Variants in PCDH15 observed in about 807,000 individuals in gnomAD.
PCDH15 encodes the protein protocadherin related 15.
In PCDH15, 129 loss-of-function variants were observed where a neutral mutation model predicts 178.5. That is an observed-to-expected ratio of 0.72 (90% CI 0.63 to 0.84). The LOEUF is 0.84. Ranked by LOEUF, PCDH15 falls within the 40% of genes least tolerant of loss-of-function variation. The probability of loss-of-function intolerance (pLI) is 0.00; values close to 1 mark genes in which losing one functional copy is unlikely to be tolerated. For missense variants in PCDH15, 2,230 were observed against 2,099.9 expected (o/e 1.06, Z -1.21); for synonymous variants, 800 against 732.0 (o/e 1.09, Z -1.50).
intron 1 of PCDH15, among the ~76,000 whole-genome samples, chr10:55,257,699 G>T (rs1199344470): frequency 6.6e-6 from 1 of 152,148 alleles, no homozygotes; most frequent in African/African-American, 2.4e-5. Context: ...AACGAACAAA[G>T]CCTCCAAGAA....
intron 1 of PCDH15, among the ~76,000 whole-genome samples, chr10:55,223,202 C>G (rs1055590396): frequency 1.3e-5 from 2 of 152,038 alleles, no homozygotes; most frequent in Non-Finnish European, 2.9e-5. Flanking sequence ...TGGCTAATAG[C>G]TACTACATTA....
At chr10:55,134,689 A>G (rs1277095986) in intron 2 of PCDH15, among the ~76,000 whole-genome samples, 1 of 152,184 alleles carries the variant, frequency 6.6e-6, no homozygotes, top group African/African-American at 2.4e-5. Context: ...ATCATTTGAT[A>G]TCATATTTAC....
At chr10:54,240,815 G>T (rs914453315) in intron 8 of PCDH15, among the ~76,000 whole-genome samples, 2 of 151,386 alleles carry the variant, frequency 1.3e-5, no homozygotes, top group Non-Finnish European at 2.9e-5. Flanking sequence ...GTATTTTTAG[G>T]AGAGACGGGG....
intron 2 of PCDH15, among the ~76,000 whole-genome samples, chr10:55,043,744 T>A (rs968679236): frequency 7.0e-5 from 10 of 142,960 alleles, no homozygotes; most frequent in Non-Finnish European, 1.2e-4. Flanking sequence ...ATAAATAAAA[T>A]AAATAAATAA....
At chr10:54,335,334 G>A (rs1940853740) in intron 6 of PCDH15, among the ~76,000 whole-genome samples, 1 of 152,156 alleles carries the variant, frequency 6.6e-6, no homozygotes, top group Non-Finnish European at 1.5e-5. Flanking sequence ...ACAAAACCAG[G>A]TGGCCATGCC....
intron 2 of PCDH15, among the ~76,000 whole-genome samples, chr10:55,334,500 C>T (rs1463270361): frequency 6.7e-6 from 1 of 149,582 alleles, no homozygotes; most frequent in Non-Finnish European, 1.5e-5. Flanking sequence ...AAAGACATGG[C>T]TTCTCCATGT....
chr10:54,627,819 T>A (rs1276861204), intron 2 of PCDH15, among the ~76,000 whole-genome samples: 1 of 152,170 alleles, frequency 6.6e-6, no homozygotes, highest in East Asian at 1.9e-4. Context: ...ATGCACAAAA[T>A]CATTTATGCT....
intron 2 of PCDH15, among the ~76,000 whole-genome samples, chr10:54,554,209 T>C (rs2086917392): frequency 6.6e-6 from 1 of 152,150 alleles, no homozygotes; most frequent in Non-Finnish European, 1.5e-5. Flanking sequence ...CCTGGCCCCT[T>C]ACCTCCTGGA....
chr10:54,278,704 T>A (rs2132657671), intron 8 of PCDH15, among the ~76,000 whole-genome samples: 2 of 151,692 alleles, frequency 1.3e-5, no homozygotes, highest in Middle Eastern at 6.8e-3. Context: ...CAGCACTAAA[T>A]TTTGGTCATG....
chr10:55,279,998 G>T (rs986362182), intron 1 of PCDH15, among the ~76,000 whole-genome samples: 5 of 151,994 alleles, frequency 3.3e-5, no homozygotes, highest in African/African-American at 1.2e-4. Context: ...CAGCCTATCA[G>T]GGTTCCACAT....
intron 18 of PCDH15, among the ~76,000 whole-genome samples, chr10:54,029,447 C>T (rs983941272): frequency 1.3e-5 from 2 of 152,100 alleles, no homozygotes; most frequent in Admixed American, 6.6e-5. Flanking sequence ...TTGTAATATA[C>T]ACCTTACTAT....
chr10:54,238,664 C>T (rs2054887100), intron 8 of PCDH15, among the ~76,000 whole-genome samples: 1 of 140,768 alleles, frequency 7.1e-6, no homozygotes, highest in Non-Finnish European at 1.5e-5. Flanking sequence ...TGCTGCCTCT[C>T]TCTCTCTCTC....
chr10:55,366,041 G>A (rs1481566810), intron 2 of PCDH15: 1 of 152,168 alleles, frequency 6.6e-6, no homozygotes, highest in African/African-American at 2.4e-5. Flanking sequence ...TATGGAAGGG[G>A]TGGAGAAACT....
chr10:54,040,589 G>A (rs940216907), intron 18 of PCDH15, among the ~76,000 whole-genome samples: 1 of 151,946 alleles, frequency 6.6e-6, no homozygotes, highest in Non-Finnish European at 1.5e-5. Flanking sequence ...AATGAAGTTG[G>A]ATGTTGAATG....
intron 2 of PCDH15, among the ~76,000 whole-genome samples, chr10:55,472,718 G>A (rs966066836): frequency 4.5e-4 from 68 of 152,140 alleles, no homozygotes; most frequent in African/African-American, 1.4e-3. Flanking sequence ...ACAGGCGCCC[G>A]CCACCACGCC....
chr10:54,926,984 T>C (rs1257969498), intron 2 of PCDH15, among the ~76,000 whole-genome samples: 1 of 152,070 alleles, frequency 6.6e-6, no homozygotes, highest in Non-Finnish European at 1.5e-5. Context: ...GGTAATTTCT[T>C]GTCCTTAGCT....
chr10:55,009,710 T>C lies in PCDH15; in HGVS notation c.-79-112210A>G, dbSNP rs148605628. ...AAAGAAATAGCTATATTACTAAGCA[T>C]GAAAAGAAATCTAGTTTAACTTTGC... On this transcript the variant is annotated intron_variant, in intron 2 of 5. Transcript: ENST00000458638. Among the ~76,000 whole-genome samples, 3 of 152,268 alleles carry C rather than the reference T, an allele frequency of 2.0e-5. No individual in the cohort carries two copies. In the East Asian group the frequency reaches 5.8e-4, roughly 29 times the overall value.
chr10:54,365,358 T>C (rs1486732723), intron 5 of PCDH15, among the ~76,000 whole-genome samples: 2 of 152,082 alleles, frequency 1.3e-5, no homozygotes, highest in South Asian at 2.1e-4. Context: ...CCATAAACAA[T>C]ACATTTTAAT....
intron 29 of PCDH15, among the ~76,000 whole-genome samples, chr10:53,834,285 C>G (rs1249373227): frequency 1.3e-5 from 2 of 152,100 alleles, no homozygotes; most frequent in East Asian, 3.9e-4. Flanking sequence ...CACCATTTCA[C>G]CAATCCATAC....
Sources: gnomAD v4.1 joint callset for allele counts (sites outside exome capture counted in the v4.1 genomes callset) on GRCh38, gnomAD v4.1.1 for gene constraint, MANE v1.5 for transcripts, NCBI Gene and HGNC (gene_info 2026-07-23, HGNC 2026-07-21) for gene names.